Variants in MID1 observed in about 807,000 individuals in gnomAD.
MID1 encodes the protein midline 1.
Under a neutral mutation model 40.4 loss-of-function variants are expected in MID1, and 7 were observed. The ratio of observed to expected loss-of-function variants is 0.17; its 90% CI spans 0.10 to 0.33. MID1 has a LOEUF of 0.33. Among genes scored for constraint, MID1 ranks in the 10% least tolerant of loss-of-function variants. The pLI, the probability that MID1 is intolerant of heterozygous loss-of-function variation, is 1.00. For missense variants in MID1, 367 were observed against 558.5 expected, an observed-to-expected ratio of 0.66 and a Z score of 3.46; for synonymous variants, 229 against 221.2, an observed-to-expected ratio of 1.04 and a Z score of -0.31.
At chrX:10,762,494 T>TC (rs1182315650) in intron 1 of MID1, among the ~76,000 whole-genome samples, 1 of 109,847 alleles carries the variant, frequency 9.1e-6, no homozygotes, top group East Asian at 2.9e-4. Flanking sequence ...TTTTTTTTTT[T>TC]CCAATATCGG....
intron 2 of MID1, among the ~76,000 whole-genome samples, chrX:10,566,617 T>C (rs1189886098): frequency 9.4e-6 from 1 of 106,220 alleles, no homozygotes; most frequent in East Asian, 3.0e-4. Flanking sequence ...GGATTGAAAA[T>C]GATCCAGAAA....
chrX:10,740,004 C>T (rs1174269092), intron 1 of MID1, among the ~76,000 whole-genome samples: 1 of 112,738 alleles, frequency 8.9e-6, no homozygotes, highest in African/African-American at 3.2e-5. Flanking sequence ...GGGCTCCAAA[C>T]TGCAACCCAA....
intron 1 of MID1, among the ~76,000 whole-genome samples, chrX:10,632,962 A>G (rs1039745508): frequency 1.8e-5 from 2 of 111,822 alleles, no homozygotes; most frequent in Admixed American, 9.5e-5. Context: ...ATGTAACTGC[A>G]CAGGTTGTAT....
intron 4 of MID1, among the ~76,000 whole-genome samples, chrX:10,487,776 T>C (rs1004683093): frequency 9.0e-6 from 1 of 111,469 alleles, no homozygotes; most frequent in Non-Finnish European, 1.9e-5. Flanking sequence ...GTCTGACTCC[T>C]TTCACGCACC....
intron 2 of MID1, among the ~76,000 whole-genome samples, chrX:10,549,546 G>A (rs1261091558): frequency 8.8e-6 from 1 of 113,525 alleles, no homozygotes; most frequent in East Asian, 2.8e-4. Flanking sequence ...GAAACCATAT[G>A]GCCTGCAATG....
intron 3 of MID1, among the ~76,000 whole-genome samples, chrX:10,499,732 T>C (rs1341132109): frequency 8.9e-6 from 1 of 112,307 alleles, no homozygotes; most frequent in Non-Finnish European, 1.9e-5. Flanking sequence ...CAAAAATCAA[T>C]TGACCACATT....
At chrX:10,758,483 CTTTTTTTTTT>C (rs1157401550) in intron 1 of MID1, among the ~76,000 whole-genome samples, 3 of 63,873 alleles carry the variant, frequency 4.7e-5, no homozygotes, top group Admixed American at 4.4e-4. Flanking sequence ...CTTTTCTTTC[CTTTTTTTTTT>C]TTTTTTTTTT....
chrX:10,548,867 G>A (rs1933799655), intron 2 of MID1, among the ~76,000 whole-genome samples: 1 of 112,069 alleles, frequency 8.9e-6, no homozygotes, highest in Non-Finnish European at 1.9e-5. Flanking sequence ...TTACTCAGAT[G>A]TATTCAAAAG....
chrX:10,501,462 A>G, intron 3 of MID1: 1 of 1,153,834 alleles, frequency 8.7e-7, no homozygotes, highest in Non-Finnish European at 1.1e-6. Flanking sequence ...TCTTCTCCCC[A>G]TCAGTCTTGC....
Position 10,746,390 on chromosome X carries a change from T to C in MID1, c.-187+87164A>G, listed in dbSNP as rs758638373. Reference sequence around the variant, plus strand: ...AACCAAGATTTCTGGGAAATTCCAGTGGGTTTCTATTTCCAAGGTTGTTCA... The same window carrying C: ...AACCAAGATTTCTGGGAAATTCCAGCGGGTTTCTATTTCCAAGGTTGTTCA... On this transcript the variant is annotated intron_variant, in intron 1 of 10. Coordinates refer to the MID1 transcript ENST00000380785. Among the ~76,000 whole-genome samples the C allele has an allele frequency of 3.6e-5, 4 of 112,048 alleles. No individual in the cohort carries two copies. In the South Asian group the frequency reaches 1.5e-3, roughly 42 times the overall value.
At chrX:10,578,061 C>A (rs1934919991) in intron 1 of MID1, among the ~76,000 whole-genome samples, 1 of 112,591 alleles carries the variant, frequency 8.9e-6, no homozygotes, top group South Asian at 3.6e-4. Flanking sequence ...CCAGTCTGCA[C>A]GTCTCAACAT....
At chrX:10,604,417 T>G (rs1388694917) in intron 1 of MID1, among the ~76,000 whole-genome samples, 1 of 111,882 alleles carries the variant, frequency 8.9e-6, no homozygotes, top group East Asian at 2.8e-4. Flanking sequence ...ACATTAATTA[T>G]GAAGAATATA....
intron 1 of MID1, among the ~76,000 whole-genome samples, chrX:10,694,751 G>C (rs947978103): frequency 3.6e-5 from 4 of 111,961 alleles, no homozygotes; most frequent in Admixed American, 2.8e-4. Flanking sequence ...AATAGATGGA[G>C]TTGAAAAATG....
intron 1 of MID1, among the ~76,000 whole-genome samples, chrX:10,808,580 G>C (rs1341564641): frequency 2.7e-5 from 3 of 109,913 alleles, no homozygotes; most frequent in Middle Eastern, 4.7e-3. Flanking sequence ...ACCTCCCTAT[G>C]GTGCTCCTTT....
intron 1 of MID1, among the ~76,000 whole-genome samples, chrX:10,823,101 AG>A (rs1192962272): frequency 8.9e-6 from 1 of 112,195 alleles, no homozygotes; most frequent in Admixed American, 9.4e-5. Flanking sequence ...GACTGGATAA[AG>A]AAAATGTGGT....
intron 1 of MID1, among the ~76,000 whole-genome samples, chrX:10,740,655 T>C (rs1047325231): frequency 9.0e-6 from 1 of 111,667 alleles, no homozygotes; most frequent in African/African-American, 3.3e-5. Context: ...GTAAAACGGG[T>C]TTAATAATAA....
intron 1 of MID1, among the ~76,000 whole-genome samples, chrX:10,788,641 C>T (rs1190595341): frequency 1.8e-5 from 2 of 110,491 alleles, no homozygotes; most frequent in Non-Finnish European, 3.8e-5. Flanking sequence ...GGATTTTCAG[C>T]AATACCTGGA....
intron 1 of MID1, among the ~76,000 whole-genome samples, chrX:10,688,883 A>T (rs1338126285): frequency 9.0e-6 from 1 of 111,523 alleles, no homozygotes; most frequent in Non-Finnish European, 1.9e-5. Flanking sequence ...TGTGTCACAA[A>T]AATACCTATC....
chrX:10,779,121 T>C (rs2043827616), intron 1 of MID1, among the ~76,000 whole-genome samples: 1 of 112,610 alleles, frequency 8.9e-6, no homozygotes, highest in African/African-American at 3.2e-5. Flanking sequence ...ACAGCAACTT[T>C]AAATAATTTC....
Sources: allele counts gnomAD v4.1 joint callset (sites outside exome capture counted in the v4.1 genomes callset), GRCh38; gene constraint gnomAD v4.1.1; transcripts MANE v1.5; gene names NCBI Gene and HGNC (gene_info 2026-07-23, HGNC 2026-07-21).